Variants in MACROH2A2 observed in about 807,000 individuals in gnomAD.
The protein encoded by MACROH2A2 is macroH2A.2 histone.
Under a neutral mutation model 37.6 loss-of-function variants are expected in MACROH2A2, and 6 were observed. The observed-to-expected ratio is 0.16, with a 90% CI of 0.09 to 0.32. The LOEUF is 0.32. Among genes scored for constraint, MACROH2A2 ranks in the 10% least tolerant of loss-of-function variants. MACROH2A2 has a pLI of 1.00. For synonymous variants in MACROH2A2, 192 were observed against 202.7 expected (o/e 0.95, Z 0.45); for missense variants, 290 against 485.9 (o/e 0.60, Z 3.79).
intron 1 of MACROH2A2, among the ~76,000 whole-genome samples, chr10:70,065,188 A>G (rs2072072465): frequency 6.6e-6 from 1 of 152,048 alleles, no homozygotes; most frequent in African/African-American, 2.4e-5. Context: ...CTGGGATTAC[A>G]GGTACAGCCT....
At chr10:70,060,701 G>A (rs1358618754) in intron 1 of MACROH2A2, among the ~76,000 whole-genome samples, 2 of 152,254 alleles carry the variant, frequency 1.3e-5, no homozygotes, top group African/African-American at 2.4e-5. Context: ...CCTGCTCAGA[G>A]AAGTAAAGAA....
chr10:70,079,565 G>GCGCGCGCGCA (rs1386558755), intron 2 of MACROH2A2, among the ~76,000 whole-genome samples: 6 of 126,216 alleles, frequency 4.8e-5, no homozygotes, highest in African/African-American at 1.6e-4. Flanking sequence ...GCGCGCGCGC[G>GCGCGCGCGCA]CACACACACA....
intron 1 of MACROH2A2, among the ~76,000 whole-genome samples, chr10:70,061,910 C>A (rs2072052565): frequency 6.6e-6 from 1 of 152,078 alleles, no homozygotes. Context: ...ATTGACTATT[C>A]TCATTCACTT....
chr10:70,110,600 G>C (rs1314656596), intron 8 of MACROH2A2, among the ~76,000 whole-genome samples: 2 of 152,122 alleles, frequency 1.3e-5, no homozygotes, highest in Non-Finnish European at 2.9e-5. Flanking sequence ...ATCAAATATA[G>C]GGAGCTGGCA....
At chr10:70,073,706 C>T (rs751439574) in intron 1 of MACROH2A2, among the ~76,000 whole-genome samples, 7 of 152,118 alleles carry the variant, frequency 4.6e-5, no homozygotes, top group Non-Finnish European at 8.8e-5. Flanking sequence ...TCTCCTTGGT[C>T]GTAATGGAGT....
rs147269910 is a variant in MACROH2A2 at position 70,108,902 on chromosome 10, C to T, written c.779-131C>T. The T allele has an allele frequency of 1.5e-4, 118 of 767,270 alleles. No homozygotes were observed. The African/African-American group carries it at 1.7e-3, about 11-fold the overall frequency. The allele number at this position is 767,270 out of a possible 1,614,324, so 47.5% of individuals were successfully genotyped here. A position where few individuals can be genotyped will look rare whatever the true frequency, so the allele number is the denominator to read the frequency against. On this transcript the variant is annotated intron_variant, in intron 7 of 8. Coordinates refer to ENST00000373255, the MANE Select transcript of MACROH2A2 (RefSeq NM_018649.3). ...CGTTAAACATAGTCCACATCAGGAGCACAGGATGCTGCCCAGCCAACGTCT... is the reference window on the plus strand; with the variant it reads ...CGTTAAACATAGTCCACATCAGGAGTACAGGATGCTGCCCAGCCAACGTCT...
intron 1 of MACROH2A2, among the ~76,000 whole-genome samples, chr10:70,072,540 A>G (rs1405159132): frequency 1.3e-5 from 2 of 152,214 alleles, no homozygotes; most frequent in Non-Finnish European, 2.9e-5. Flanking sequence ...ATTTGTTATC[A>G]AGTATTATAT....
chr10:70,089,885 C>T (rs1474743380), intron 2 of MACROH2A2, among the ~76,000 whole-genome samples, 175 bp from the exon 3 acceptor site: 2 of 152,102 alleles, frequency 1.3e-5, no homozygotes, highest in African/African-American at 4.8e-5. Context: ...GCCTCGGCCT[C>T]CTGAGTAGCT....
intron 1 of MACROH2A2, among the ~76,000 whole-genome samples, chr10:70,061,055 G>C (rs1375246013): frequency 6.6e-6 from 1 of 152,120 alleles, no homozygotes; most frequent in East Asian, 1.9e-4. Flanking sequence ...CCATCAGCAT[G>C]TTAAATAAAG....
chr10:70,068,433 A>G (rs1158884596), intron 1 of MACROH2A2, among the ~76,000 whole-genome samples: 1 of 152,234 alleles, frequency 6.6e-6, no homozygotes, highest in African/African-American at 2.4e-5. Context: ...ATACACATGA[A>G]TTAAAAGGAA....
chr10:70,091,702 A>C (rs959612631), intron 3 of MACROH2A2, 55 bp from the exon 4 acceptor site: 2 of 1,190,256 alleles, frequency 1.7e-6, no homozygotes, highest in Admixed American at 3.8e-5. Context: ...GAACTGTATG[A>C]AATTGGGAAC....
intron 1 of MACROH2A2, among the ~76,000 whole-genome samples, chr10:70,070,273 A>T (rs979115122): frequency 6.6e-6 from 1 of 152,172 alleles, no homozygotes; most frequent in African/African-American, 2.4e-5. Flanking sequence ...TAGACTTCAG[A>T]TGGAGCTGCA....
chr10:70,083,337 C>A lies in MACROH2A2; in HGVS notation c.173-6723C>A, dbSNP rs541042560. Reference sequence around the variant, plus strand: ...CCCTCATTACACAACTCTTAAGTGACAGTATTCCACTCTTCTCTCCCACCC... The same window carrying A: ...CCCTCATTACACAACTCTTAAGTGAAAGTATTCCACTCTTCTCTCCCACCC... On this transcript the variant is annotated intron_variant, in intron 2 of 8. Transcript: ENST00000373255. 5.9e-5 allele frequency among the ~76,000 whole-genome samples: 9 copies of A among 152,292 alleles called. 1 individual carries two copies. In the South Asian group the frequency reaches 1.9e-3, roughly 32 times the overall value.
intron 2 of MACROH2A2, among the ~76,000 whole-genome samples, chr10:70,077,049 C>T (rs1334681481): frequency 1.3e-5 from 2 of 151,866 alleles, no homozygotes; most frequent in Non-Finnish European, 2.9e-5. Flanking sequence ...AAGTCCTTCC[C>T]TCCTTTAGGA....
Position 70,078,262 on chromosome 10 carries a change from G to T in MACROH2A2, c.172+2432G>T, listed in dbSNP as rs555090915. ...GTCCTTAGGCAGAGTTCCCGCAATA[G>T]AATTGGGCCATTTATACAGTGGGTT... On this transcript the variant is annotated intron_variant, in intron 2 of 8. Coordinates refer to ENST00000373255, the MANE Select transcript of MACROH2A2 (RefSeq NM_018649.3). Among the ~76,000 whole-genome samples the T allele has an allele frequency of 2.6e-5, 4 of 152,334 alleles. No individual in the cohort carries two copies. In the East Asian group the frequency reaches 7.7e-4, roughly 29 times the overall value.
intron 1 of MACROH2A2, among the ~76,000 whole-genome samples, chr10:70,057,257 G>A (rs931134833): frequency 6.6e-5 from 10 of 151,866 alleles, no homozygotes; most frequent in Admixed American, 5.9e-4. Context: ...TGAGGTAAGG[G>A]GGCTGGTTCT....
intron 1 of MACROH2A2, among the ~76,000 whole-genome samples, chr10:70,055,047 A>G (rs1169280112): frequency 6.6e-6 from 1 of 152,082 alleles, no homozygotes; most frequent in Non-Finnish European, 1.5e-5. Flanking sequence ...TCACCATTCC[A>G]TCTTCTGTCT....
At chr10:70,078,315 G>A (rs2072153005) in intron 2 of MACROH2A2, among the ~76,000 whole-genome samples, 1 of 152,222 alleles carries the variant, frequency 6.6e-6, no homozygotes, top group Non-Finnish European at 1.5e-5. Flanking sequence ...GCACCTGCAA[G>A]GGTGCCATTG....
At chr10:70,096,690 A>C (rs2072278502) in intron 6 of MACROH2A2, among the ~76,000 whole-genome samples, 1 of 152,216 alleles carries the variant, frequency 6.6e-6, no homozygotes. Context: ...TAAAGTGAGC[A>C]AAGAAGGGGC....
Sources: allele counts gnomAD v4.1 joint callset (sites outside exome capture counted in the v4.1 genomes callset), GRCh38; gene constraint gnomAD v4.1.1; transcripts MANE v1.5; gene names NCBI Gene and HGNC (gene_info 2026-07-23, HGNC 2026-07-21).